The following AK2 variants were observed in gnomAD, a reference collection of about 807,000 sequenced individuals.
AK2 encodes adenylate kinase 2.
In AK2, 15 loss-of-function variants were observed where a neutral mutation model predicts 24.6. The ratio of observed to expected loss-of-function variants is 0.61; its 90% confidence interval spans 0.41 to 0.94. The LOEUF (loss-of-function observed/expected upper bound fraction) is 0.94. AK2 is among the 40% of genes least tolerant of loss of function. The pLI, the probability that AK2 is intolerant of heterozygous loss-of-function variation, is 0.00. For synonymous variants in AK2, 102 were observed against 114.0 expected (o/e 0.90, Z 0.67); for missense variants, 257 against 304.1 (o/e 0.85, Z 1.15).
intron 4 of AK2, chr1:33,019,676 C>T: frequency 2.0e-6 from 2 of 1,019,098 alleles, no homozygotes; most frequent in Non-Finnish European, 2.4e-6. Context: ...GTATGGACTA[C>T]AAACACATGG....
chr1:33,026,813 A>C (rs1178113218), intron 1 of AK2, among the ~76,000 whole-genome samples: 1 of 150,836 alleles, frequency 6.6e-6, no homozygotes, highest in African/African-American at 2.4e-5. Context: ...TCTCACAAAA[A>C]AACAGCAACA....
At position 33,011,480 on chromosome 1, in the gene AK2, A is replaced by C; in HGVS notation, c.*1701T>G. On this transcript the variant is annotated 3_prime_UTR_variant, in exon 6 of 6. Coordinates refer to ENST00000672715, the MANE Select transcript of AK2 (RefSeq NM_001625.4). ...AGGCAAAGAGGGAAGCAAGGTGGCC[A>C]GGTACTCATGCCCAGTTGCCATGTG... 7.8e-7 allele frequency: 1 copy of C among 1,287,420 alleles called. No individual in the cohort carries two copies. 79.7% of individuals were successfully genotyped at this position (1,287,420 alleles called of 1,614,324 possible).
chr1:33,011,231 C>G lies in AK2; in HGVS notation c.*1950G>C. The G allele has an allele frequency of 7.7e-7, 1 of 1,304,624 alleles. No homozygotes were observed. Among genetic ancestry groups the G allele is most frequent in the Non-Finnish European group, 1.0e-6 (1 of 1,001,050 alleles). 80.8% of individuals were successfully genotyped at this position (1,304,624 alleles called of 1,614,324 possible). ...ACAATTGTCCCTAGTTAAAGGGGAG[C>G]TGATTCTAAGATTCATGATGCCACT... is the stretch of plus-strand genomic sequence containing the variant. On this transcript the variant is annotated 3_prime_UTR_variant, in exon 6 of 6. Coordinates refer to ENST00000672715, the MANE Select transcript of AK2 (RefSeq NM_001625.4).
intron 4 of AK2, among the ~76,000 whole-genome samples, chr1:33,020,313 A>G (rs1423027612): frequency 6.6e-6 from 1 of 152,222 alleles, no homozygotes; most frequent in Non-Finnish European, 1.5e-5. Flanking sequence ...TAAAAAGTCT[A>G]CAGCAAAGTA....
chr1:33,026,779 G>C (rs534211870), intron 1 of AK2, among the ~76,000 whole-genome samples: 2 of 151,840 alleles, frequency 1.3e-5, no homozygotes, highest in African/African-American at 4.8e-5. Flanking sequence ...TTGCACTCCA[G>C]CCTGGAGACA....
At chr1:33,024,695 C>T (rs1639763793) in intron 1 of AK2, 128 bp from the exon 2 acceptor site, 1 of 1,135,190 alleles carries the variant, frequency 8.8e-7, no homozygotes, top group South Asian at 1.3e-5. Flanking sequence ...ACTTCCTTAC[C>T]TGTAATGGGG....
intron 1 of AK2, among the ~76,000 whole-genome samples, chr1:33,026,290 C>G (rs1016432305): frequency 1.3e-5 from 2 of 152,168 alleles, no homozygotes; most frequent in African/African-American, 4.8e-5. Context: ...CCACGAACTC[C>G]CTGGGCTCAG....
Position 33,012,884 on chromosome 1 carries a change from CGA to C in AK2, c.*295_*296del. ...CTGCACTCCAGCCAGGGTGGCAGAG[CGA>C]AACCTTGTCTCAAAACAACAACAAA... is the stretch of plus-strand genomic sequence containing the variant. On this transcript the variant is annotated 3_prime_UTR_variant, in exon 6 of 6. Transcript: ENST00000672715. 1 of 1,336,936 alleles carries C rather than the reference CGA, an allele frequency of 7.5e-7. No individual in the cohort carries two copies. The highest frequency in any genetic ancestry group is 9.8e-7 in the Non-Finnish European group (1 of 1,021,548). 82.8% of individuals were successfully genotyped at this position (1,336,936 alleles called of 1,614,324 possible). A position where few individuals can be genotyped will look rare whatever the true frequency, so the allele number is the denominator to read the frequency against.
Position 33,011,621 on chromosome 1 carries a change from ATAT to A in AK2, c.*1557_*1559del, listed in dbSNP as rs1398954830. 1 of 1,289,890 alleles carries A rather than the reference ATAT, an allele frequency of 7.8e-7. No homozygotes were observed. Among genetic ancestry groups the A allele is most frequent in the African/African-American group, 1.5e-5 (1 of 65,912 alleles). 79.9% of individuals were successfully genotyped at this position (1,289,890 alleles called of 1,614,324 possible). ...GCAGCAGATTATGCTGAGGCTGGCG[ATAT>A]TATTTACTGGATCTGCCACTGACTT... On this transcript the variant is annotated 3_prime_UTR_variant, in exon 6 of 6. Transcript: ENST00000672715.
chr1:33,035,748 G>A (rs114215229), intron 1 of AK2, among the ~76,000 whole-genome samples: 87 of 152,236 alleles, frequency 5.7e-4, no homozygotes, highest in African/African-American at 1.9e-3. Context: ...TAGGGCAGAT[G>A]GTAACTTCAG....
At chr1:33,014,364 A>T in intron 5 of AK2, 158 bp downstream of exon 5, 2 of 645,316 alleles carry the variant, frequency 3.1e-6, no homozygotes, top group South Asian at 2.8e-5. Flanking sequence ...AATAGATCTG[A>T]CACAGGCCAT....
chr1:33,024,188 T>A, intron 2 of AK2: 1 of 482,652 alleles, frequency 2.1e-6, no homozygotes, highest in African/African-American at 2.0e-5. Flanking sequence ...AGAAAAAAAA[T>A]TTCCTATAAT....
At chr1:33,024,150 G>A (rs567680534) in intron 2 of AK2, 68 of 364,410 alleles carry the variant, frequency 1.9e-4, no homozygotes, top group South Asian at 8.7e-4. Flanking sequence ...CAGCCTGGGC[G>A]ACAGAGCGAG....
At position 33,008,128 on chromosome 1, in the gene AK2, T is replaced by C; in HGVS notation, c.*5053A>G. 1 of 454,172 alleles carries C rather than the reference T, an allele frequency of 2.2e-6. No individual in the cohort carries two copies. Among genetic ancestry groups the C allele is most frequent in the Non-Finnish European group, 4.4e-6 (1 of 226,822 alleles). 28.1% of individuals were successfully genotyped at this position (454,172 alleles called of 1,614,324 possible). A position where few individuals can be genotyped will look rare whatever the true frequency, so the allele number is the denominator to read the frequency against. ...TGGTCAGTAAGACAACTTTCTTCAA[T>C]GCCTACATTTTCCCTCTGAATTCCA... is the stretch of plus-strand genomic sequence containing the variant. On this transcript the variant is annotated 3_prime_UTR_variant, in exon 6 of 6. Transcript: ENST00000672715.
intron 1 of AK2, among the ~76,000 whole-genome samples, chr1:33,029,811 T>G (rs1640126095): frequency 6.6e-6 from 1 of 152,214 alleles, no homozygotes; most frequent in Non-Finnish European, 1.5e-5. Flanking sequence ...CCGGAGTAGT[T>G]GGGACTATGG....
intron 1 of AK2, among the ~76,000 whole-genome samples, chr1:33,036,436 A>T (rs924768240): frequency 2.0e-5 from 3 of 152,098 alleles, no homozygotes; most frequent in Non-Finnish European, 4.4e-5. Flanking sequence ...CCCAGGGCTC[A>T]CTCTACCCCT....
rs1638661481 is a variant in AK2, at chr1:33,009,367, A to G, written c.*3814T>C. The G allele has an allele frequency of 2.2e-6, 1 of 454,040 alleles. No homozygotes were observed. Among genetic ancestry groups the G allele is most frequent in the Non-Finnish European group, 4.4e-6 (1 of 226,802 alleles). The allele number at this position is 454,040 out of a possible 1,614,324, so 28.1% of individuals were successfully genotyped here. A position where few individuals can be genotyped will look rare whatever the true frequency, so the allele number is the denominator to read the frequency against. ...CACAGAGAAGCAACAAAGAGTGTTA[A>G]AGAAGCAACTGAAAAGGTAGTCAAA... On this transcript the variant is annotated 3_prime_UTR_variant, in exon 6 of 6. Transcript: ENST00000672715.
At position 33,012,897 on chromosome 1, in the gene AK2, C is replaced by G. The variant is rs1356742917; in HGVS notation, c.*284G>C. ...AGGGTGGCAGAGCGAAACCTTGTCTCAAAACAACAACAAAAAAGAAGTAAA... is the reference window on the plus strand; with the variant it reads ...AGGGTGGCAGAGCGAAACCTTGTCTGAAAACAACAACAAAAAAGAAGTAAA... On this transcript the variant is annotated 3_prime_UTR_variant, in exon 6 of 6. Transcript: ENST00000672715. 2 of 1,369,588 alleles carry G rather than the reference C, an allele frequency of 1.5e-6. No homozygotes were observed. Among genetic ancestry groups the G allele is most frequent in the East Asian group, 3.9e-5 (1 of 25,526 alleles). 84.8% of individuals were successfully genotyped at this position (1,369,588 alleles called of 1,614,324 possible).
chr1:33,018,952 G>A (rs1639360305), intron 4 of AK2, among the ~76,000 whole-genome samples: 1 of 152,132 alleles, frequency 6.6e-6, no homozygotes, highest in South Asian at 2.1e-4. Flanking sequence ...ACCCTCTTTG[G>A]TTTGGCAGAT....
Sources: gnomAD v4.1 joint callset for allele counts (sites outside exome capture counted in the v4.1 genomes callset) on GRCh38, gnomAD v4.1.1 for gene constraint, MANE v1.5 for transcripts, NCBI Gene and HGNC (gene_info 2026-07-23, HGNC 2026-07-21) for gene names.